ARFGEF1: variants seen among roughly 807,000 people sequenced by gnomAD.
ARFGEF1 encodes the protein ARF guanine nucleotide exchange factor 1, also known as brefeldin A-inhibited guanine nucleotide-exchange protein 1.
ARFGEF1 carries 42 observed loss-of-function variants against 231.0 expected under a neutral mutation model. The ratio of observed to expected loss-of-function variants is 0.18; its 90% confidence interval spans 0.14 to 0.24. ARFGEF1 has a LOEUF of 0.24. Ranked by LOEUF, ARFGEF1 falls within the 10% of genes least tolerant of loss-of-function variation. ARFGEF1 has a pLI of 1.00. For synonymous variants in ARFGEF1, 710 were observed against 732.3 expected (o/e 0.97, Z 0.49); for missense variants, 1,345 against 2,192.0 (o/e 0.61, Z 7.72).
intron 1 of ARFGEF1, among the ~76,000 whole-genome samples, chr8:67,316,055 T>A (rs1277110494): frequency 6.6e-6 from 1 of 152,006 alleles, no homozygotes; most frequent in Non-Finnish European, 1.5e-5. Context: ...ATAAGATCAA[T>A]AAAATTGAAA....
intron 1 of ARFGEF1, among the ~76,000 whole-genome samples, chr8:67,327,084 TG>T (rs1807867815): frequency 6.6e-6 from 1 of 152,220 alleles, no homozygotes; most frequent in Admixed American, 6.5e-5. Flanking sequence ...GAGGTTGACT[TG>T]CTTGTAAATA....
chr8:67,269,382 C>T lies in ARFGEF1; in HGVS notation c.1573-1940G>A, dbSNP rs559471137. Among the ~76,000 whole-genome samples the T allele has an allele frequency of 1.0e-3, 117 of 117,036 alleles. No homozygotes were observed. In the South Asian group the frequency reaches 0.03, roughly 30 times the overall value. The allele number at this position is 117,036 out of a possible 152,430, so 76.8% of individuals were successfully genotyped here. On this transcript the variant is annotated intron_variant, in intron 10 of 38. Coordinates refer to ENST00000262215, the MANE Select transcript of ARFGEF1 (RefSeq NM_006421.5). ...TTTTTTTTTTTTTGAGATGGAGTTT[C>T]GCTCTTGTTGACCAGGCTGGAGTGC... is the stretch of plus-strand genomic sequence containing the variant.
chr8:67,194,913 A>ATAAC (rs1837511753), downstream of ARFGEF1, among the ~76,000 whole-genome samples: 2 of 152,182 alleles, frequency 1.3e-5, no homozygotes, highest in East Asian at 1.9e-4. Flanking sequence ...TTTTCCCAAA[A>ATAAC]TAACTTAATA....
intron 1 of ARFGEF1, among the ~76,000 whole-genome samples, chr8:67,316,372 A>T (rs1413113698): frequency 6.6e-6 from 1 of 152,206 alleles, no homozygotes; most frequent in African/African-American, 2.4e-5. Context: ...ATCCTGTACA[A>T]TCTCCTCTAG....
chr8:67,295,755 G>GT (rs1218475855), intron 5 of ARFGEF1, among the ~76,000 whole-genome samples: 2 of 152,114 alleles, frequency 1.3e-5, no homozygotes, highest in African/African-American at 4.8e-5. Flanking sequence ...TAACAGTATT[G>GT]TACCAGTGTT....
chr8:67,258,023 T>C, intron 16 of ARFGEF1, 62 bp downstream of exon 16: 1 of 1,444,876 alleles, frequency 6.9e-7, no homozygotes, highest in African/African-American at 1.4e-5. Flanking sequence ...AATCCCTGGA[T>C]GCTACCTAGC....
downstream of ARFGEF1, chr8:67,197,527 G>T: frequency 2.7e-6 from 2 of 751,332 alleles, no homozygotes; most frequent in Non-Finnish European, 3.2e-6. Context: ...AGGATCTAAT[G>T]CTAGAAGCTG....
At chr8:67,269,967 C>T (rs887473600) in intron 10 of ARFGEF1, among the ~76,000 whole-genome samples, 7 of 152,060 alleles carry the variant, frequency 4.6e-5, no homozygotes, top group African/African-American at 7.2e-5. Flanking sequence ...ACAGTACCTA[C>T]AGAAGCAGAA....
chr8:67,241,108 A>C (rs1419168310), intron 19 of ARFGEF1, among the ~76,000 whole-genome samples: 4 of 152,226 alleles, frequency 2.6e-5, no homozygotes, highest in Non-Finnish European at 5.9e-5. Context: ...CGAATTTCTA[A>C]AAGATCTATA....
At chr8:67,309,493 A>G (rs1362733519) in intron 1 of ARFGEF1, among the ~76,000 whole-genome samples, 1 of 152,122 alleles carries the variant, frequency 6.6e-6, no homozygotes, top group East Asian at 1.9e-4. Context: ...CTTCTTTGCT[A>G]TTTTCTTTCC....
chr8:67,181,643 A>G (rs1411717201), intron 5 of ARFGEF1, among the ~76,000 whole-genome samples: 2 of 152,188 alleles, frequency 1.3e-5, no homozygotes, highest in African/African-American at 4.8e-5. Flanking sequence ...GTTTCAGTGC[A>G]TTATTTTAAA....
intron 7 of ARFGEF1, among the ~76,000 whole-genome samples, chr8:67,287,259 T>C (rs1049529520): frequency 6.6e-6 from 1 of 152,190 alleles, no homozygotes; most frequent in Non-Finnish European, 1.5e-5. Flanking sequence ...TCGTACATGG[T>C]AGGTGCCTAC....
intron 28 of ARFGEF1, 30 bp downstream of exon 28, chr8:67,225,993 C>A: frequency 2.6e-6 from 4 of 1,552,152 alleles, no homozygotes; most frequent in East Asian, 2.3e-5. Flanking sequence ...GAATACTCTG[C>A]AAAATTTTGT....
chr8:67,299,184 C>G (rs1469975379), intron 4 of ARFGEF1, 25 bp downstream of exon 4: 1 of 1,501,954 alleles, frequency 6.7e-7, no homozygotes. Context: ...TTATTAATAA[C>G]AATTTTACTT....
chr8:67,199,193 A>C, intron 38 of ARFGEF1, 95 bp from the exon 39 acceptor site: 1 of 1,457,938 alleles, frequency 6.9e-7, no homozygotes. Context: ...CCATCACAGG[A>C]GCCAGGAAAG....
At chr8:67,238,202 C>T in intron 22 of ARFGEF1, 141 bp downstream of exon 22, 1 of 827,480 alleles carries the variant, frequency 1.2e-6, no homozygotes, top group Non-Finnish European at 1.8e-6. Flanking sequence ...AGATTTAGTT[C>T]CTTAGTCATC....
chr8:67,254,222 T>C (rs1423144048), intron 17 of ARFGEF1, among the ~76,000 whole-genome samples: 2 of 152,222 alleles, frequency 1.3e-5, no homozygotes, highest in African/African-American at 4.8e-5. Flanking sequence ...AGCTGTGGAA[T>C]ACAAGTTTGG....
intron 34 of ARFGEF1, among the ~76,000 whole-genome samples, chr8:67,208,443 A>G (rs551597052): frequency 6.6e-6 from 1 of 152,266 alleles, no homozygotes; most frequent in South Asian, 2.1e-4. Context: ...GAGCCTGGCC[A>G]ACATGGCGAA....
intron 1 of ARFGEF1, among the ~76,000 whole-genome samples, chr8:67,316,245 G>A (rs1009190869): frequency 6.6e-6 from 1 of 152,118 alleles, no homozygotes; most frequent in Admixed American, 6.5e-5. Context: ...CATTTGAATA[G>A]TCCTATAACT....
Sources: allele counts gnomAD v4.1 joint callset (sites outside exome capture counted in the v4.1 genomes callset), GRCh38; gene constraint gnomAD v4.1.1; transcripts MANE v1.5; gene names NCBI Gene and HGNC (gene_info 2026-07-23, HGNC 2026-07-21).